The following KCNT1 variants were observed in gnomAD, a reference collection of about 807,000 sequenced individuals.
The protein encoded by KCNT1 is potassium sodium-activated channel subfamily T member 1, also known as potassium channel subfamily T member 1.
In KCNT1, 78 loss-of-function variants were observed where a neutral mutation model predicts 147.8. The observed-to-expected ratio is 0.53, with a 90% CI of 0.44 to 0.64. The LOEUF (loss-of-function observed/expected upper bound fraction) is 0.64. Among genes scored for constraint, KCNT1 ranks in the 30% least tolerant of loss-of-function variants. KCNT1 has a pLI of 0.00. For missense variants in KCNT1, 1,419 were observed against 1,750.3 expected (o/e 0.81, Z 3.38); for synonymous variants, 867 against 748.8 (o/e 1.16, Z -2.58).
intron 5 of KCNT1, among the ~76,000 whole-genome samples, chr9:135,754,442 C>T (rs1831362356): frequency 6.6e-6 from 1 of 152,214 alleles, no homozygotes; most frequent in Non-Finnish European, 1.5e-5. Flanking sequence ...TTCCAGTTCA[C>T]CATCTTACGG....
Position 135,705,688 on chromosome 9 carries a change from A to C in KCNT1, c.110+3320A>C, listed in dbSNP as rs540285352. ...AGGCCACCCATGTTCACCCAGACCC[A>C]CTTTCACCTGTGGAACTTGGAAGTG... is the stretch of plus-strand genomic sequence containing the variant. On this transcript the variant is annotated intron_variant, in intron 1 of 30. Transcript: ENST00000371757. Among the ~76,000 whole-genome samples, 7 of 152,352 alleles carry C rather than the reference A, an allele frequency of 4.6e-5. No individual in the cohort carries two copies. In the South Asian group the frequency reaches 1.2e-3, roughly 27 times the overall value.
intron 13 of KCNT1, among the ~76,000 whole-genome samples, chr9:135,767,557 T>C: frequency 6.6e-6 from 1 of 150,396 alleles, no homozygotes; most frequent in Non-Finnish European, 1.5e-5. Flanking sequence ...GCCCCCAGAT[T>C]CCCCCCTCCC....
intron 27 of KCNT1, 147 bp from the exon 28 acceptor site, chr9:135,785,163 T>A (rs1384870236): frequency 7.0e-6 from 9 of 1,282,420 alleles, no homozygotes; most frequent in Non-Finnish European, 9.7e-6. Flanking sequence ...TCAGGAAGAA[T>A]ACGGGCAGCC....
At chr9:135,715,706 A>G (rs1835696629) in intron 2 of KCNT1, among the ~76,000 whole-genome samples, 1 of 152,236 alleles carries the variant, frequency 6.6e-6, no homozygotes, top group African/African-American at 2.4e-5. Context: ...CCGCAGCTGA[A>G]AAAGAAATCA....
chr9:135,731,995 G>T (rs112878253), intron 2 of KCNT1, among the ~76,000 whole-genome samples: 1,827 of 22,970 alleles, frequency 0.08, 10 homozygotes, highest in Middle Eastern at 0.14. Context: ...TATATATAGA[G>T]AGAGAGAGAG....
intron 28 of KCNT1, chr9:135,785,685 G>C (rs997967920): frequency 9.6e-6 from 5 of 523,478 alleles, no homozygotes; most frequent in Non-Finnish European, 1.7e-5. Context: ...GTGCCACCCA[G>C]GTGGGATGCC....
chr9:135,709,034 C>T (rs1463913070), intron 1 of KCNT1, among the ~76,000 whole-genome samples: 3 of 152,168 alleles, frequency 2.0e-5, no homozygotes, highest in Non-Finnish European at 4.4e-5. Flanking sequence ...TAACACACAT[C>T]GTGCATGATG....
At chr9:135,757,112 C>T (rs746594663) in intron 7 of KCNT1, 44 bp from the exon 8 acceptor site, 12 of 1,191,936 alleles carry the variant, frequency 1.0e-5, no homozygotes, top group Middle Eastern at 2.1e-4. Context: ...GGGCCCCACC[C>T]CCACCCTCCA....
At chr9:135,778,925 A>G in intron 23 of KCNT1, 103 bp downstream of exon 23, 1 of 1,383,260 alleles carries the variant, frequency 7.2e-7, no homozygotes, top group Non-Finnish European at 9.7e-7. Context: ...CCTCGCCCTG[A>G]GACCCCCACA....
At chr9:135,776,711 G>A (rs1168588512) in intron 20 of KCNT1, among the ~76,000 whole-genome samples, 4 of 152,350 alleles carry the variant, frequency 2.6e-5, no homozygotes, top group Non-Finnish European at 5.9e-5. Context: ...ATCTGTGGCC[G>A]GTCATTGCAG....
rs185344316 is a variant in KCNT1, at chr9:135,747,326, G to A, written c.255-2772G>A. Among the ~76,000 whole-genome samples, 72 of 152,168 alleles carry A rather than the reference G, an allele frequency of 4.7e-4. 2 individuals are homozygous for A. In the East Asian group the frequency reaches 9.7e-3, roughly 21 times the overall value. ...CCCGCGTTGAGGCTTTTGCCATGGA[G>A]GGCGGGACAGTGGTAGGGAGGCGGG... On this transcript the variant is annotated intron_variant, in intron 2 of 30. Coordinates refer to ENST00000371757, the MANE Select transcript of KCNT1 (RefSeq NM_020822.3).
chr9:135,789,940 T>TA (rs1477984662), intron 29 of KCNT1: 1 of 152,246 alleles, frequency 6.6e-6, no homozygotes, highest in Non-Finnish European at 1.5e-5. Context: ...CAGTGCCATG[T>TA]GACTGACCAC....
In KCNT1 at chr9:135,752,185, T is replaced by C. The variant is rs562225781; in HGVS notation, c.434+1144T>C. 1.8e-3 allele frequency: 655 copies of C among 354,578 alleles called. 2 individuals carry two copies. The highest frequency in any genetic ancestry group is 0.011 in the Middle Eastern group (26 of 2,358). The allele number at this position is 354,578 out of a possible 1,614,324, so 22.0% of individuals were successfully genotyped here. A position where few individuals can be genotyped will look rare whatever the true frequency, so the allele number is the denominator to read the frequency against. On this transcript the variant is annotated intron_variant, in intron 4 of 30. Coordinates refer to ENST00000371757, the MANE Select transcript of KCNT1 (RefSeq NM_020822.3). This position sits in a 1 kb window ranked among gnomAD's most constrained non-coding sequence, Gnocchi z 5.1. Reference sequence around the variant, plus strand: ...CCTGCCAGCATGCTGGTCCCCCCTCTGGCTGCGCAGAGCAGGTTCTTCCCT... The same window carrying C: ...CCTGCCAGCATGCTGGTCCCCCCTCCGGCTGCGCAGAGCAGGTTCTTCCCT...
Position 135,772,882 on chromosome 9 carries a change from G to A in KCNT1, c.2176G>A (p.Asp726Asn), listed in dbSNP as rs1367605908. ...LADSSALLPC[D>N]LLSDQSEDEV... ...CGACAGCTCAGCCCTGCTGCCCTGC[G>A]ACCTGCTGAGCGACCAGTCGGAGGA... is the stretch of plus-strand genomic sequence containing the variant. Residue 726 changes from aspartate to asparagine, a missense_variant, in exon 19 of 31, where the codon GAC (aspartate) becomes AAC (asparagine). Asp to Asn is a conservative substitution (Grantham distance 23). Transcript: ENST00000371757. The A allele has an allele frequency of 5.1e-6, 8 of 1,560,072 alleles. No individual in the cohort carries two copies. Among genetic ancestry groups the A allele is most frequent in the South Asian group, 1.2e-5 (1 of 84,892 alleles).
At chr9:135,753,486 TCTCC>T (rs1447160234) in intron 4 of KCNT1, among the ~76,000 whole-genome samples, 1 of 152,142 alleles carries the variant, frequency 6.6e-6, no homozygotes, top group Non-Finnish European at 1.5e-5. Context: ...AGGAGCTTCC[TCTCC>T]CTGTCTCTTG....
chr9:135,781,448 C>T (rs773578965), intron 24 of KCNT1, among the ~76,000 whole-genome samples: 9 of 152,204 alleles, frequency 5.9e-5, no homozygotes, highest in Admixed American at 2.6e-4. Context: ...CCAGGGGCTG[C>T]GTCTTCTCCA....
At chr9:135,750,337 T>G in intron 3 of KCNT1, among the ~76,000 whole-genome samples, 160 bp downstream of exon 3, 1 of 146,110 alleles carries the variant, frequency 6.8e-6, no homozygotes, top group Admixed American at 6.8e-5. Flanking sequence ...AGGGTGGGGG[T>G]GGGTCTGCAT....
At position 135,707,794 on chromosome 9, in the gene KCNT1, C is replaced by T. The variant is rs1001260226; in HGVS notation, c.110+5426C>T. Among the ~76,000 whole-genome samples, 8 of 152,336 alleles carry T rather than the reference C, an allele frequency of 5.3e-5. No individual in the cohort carries two copies. The South Asian group carries it at 6.2e-4, about 12-fold the overall frequency. The stretch of plus-strand genomic sequence containing the variant: ...TCCACTGTGCTGCTGGCCTTCCCCT[C>T]TTCCCGCCGGGCTGGGAGAAAGCTG... On this transcript the variant is annotated intron_variant, in intron 1 of 30. Coordinates refer to ENST00000371757, the MANE Select transcript of KCNT1 (RefSeq NM_020822.3).
intron 2 of KCNT1, chr9:135,736,577 G>T: frequency 6.7e-6 from 1 of 149,484 alleles, no homozygotes; most frequent in South Asian, 1.8e-4. Context: ...GGTTCCGCCC[G>T]GCGCCGCCCC....
Sources: gnomAD v4.1 joint callset for allele counts (sites outside exome capture counted in the v4.1 genomes callset) on GRCh38, gnomAD v4.1.1 for gene constraint, Gnocchi (gnomAD v3.1) non-coding constraint, MANE v1.5 for transcripts, NCBI Gene and HGNC (gene_info 2026-07-23, HGNC 2026-07-21) for gene names.